Variants in CCDC63 observed in about 807,000 individuals in gnomAD.
CCDC63 encodes coiled-coil domain-containing protein 63.
In CCDC63, 54 loss-of-function variants were observed where a neutral mutation model predicts 63.6. The observed-to-expected ratio is 0.85, with a 90% CI of 0.68 to 1.07. CCDC63 has a LOEUF of 1.07. Ranked by LOEUF, CCDC63 falls within the 50% of genes least tolerant of loss-of-function variation. The pLI, the probability that CCDC63 is intolerant of heterozygous loss-of-function variation, is 0.00. For synonymous variants in CCDC63, 253 were observed against 266.1 expected, an observed-to-expected ratio of 0.95 and a Z score of 0.48; for missense variants, 637 against 689.6, an observed-to-expected ratio of 0.92 and a Z score of 0.86.
intron 4 of CCDC63, among the ~76,000 whole-genome samples, chr12:110,863,841 T>C (rs906363164): frequency 1.3e-4 from 20 of 152,204 alleles, no homozygotes; most frequent in African/African-American, 4.6e-4. Context: ...ATGTCCAACC[T>C]CCAGGGATGG....
chr12:110,884,022 T>C lies in CCDC63; in HGVS notation c.854-8T>C, dbSNP rs1332292716. 6.2e-7 allele frequency: 1 copy of C among 1,612,106 alleles called. No individual in the cohort carries two copies. Among genetic ancestry groups the C allele is most frequent in the African/African-American group, 1.3e-5 (1 of 74,966 alleles). On this transcript the variant is annotated splice_region_variant and splice_polypyrimidine_tract_variant and intron_variant, in intron 7 of 11. Transcript: ENST00000308208. ...GAGTGTCACAGTGGCTGATTTTTCC[T>C]TTCCTAGCTCTCAAGGCAAAGAAGC...
chr12:110,889,905 AT>A lies in CCDC63; in HGVS notation c.1075-3163del, dbSNP rs985262474. 3.4e-4 allele frequency among the ~76,000 whole-genome samples: 52 copies of A among 151,862 alleles called. 1 individual carries two copies. In the East Asian group the frequency reaches 9.5e-3, roughly 28 times the overall value. The stretch of plus-strand genomic sequence containing the variant: ...AATCATATATTTTTTTCCGATTAGA[AT>A]TTTTTTTCACAATTTGGAAAATACT... On this transcript the variant is annotated intron_variant, in intron 8 of 11. Transcript: ENST00000308208. This position sits in a 1 kb window ranked among gnomAD's most constrained non-coding sequence, Gnocchi z 4.1.
chr12:110,849,498 CTT>C (rs56059098), intron 1 of CCDC63, among the ~76,000 whole-genome samples: 9 of 126,266 alleles, frequency 7.1e-5, no homozygotes, highest in Non-Finnish European at 9.7e-5. Flanking sequence ...CTCTTATTTC[CTT>C]TTTTTTTTTT....
chr12:110,903,862 G>A (rs764717289), intron 10 of CCDC63, among the ~76,000 whole-genome samples: 2 of 152,162 alleles, frequency 1.3e-5, no homozygotes, highest in Non-Finnish European at 2.9e-5. Context: ...AGAGAACACT[G>A]GGGCAAGCCA....
rs369450203 is a variant in CCDC63 at position 110,881,296 on chromosome 12, G to A, written c.853G>A (p.Ala285Thr). 9.9e-6 allele frequency: 16 copies of A among 1,612,624 alleles called. No individual in the cohort carries two copies. Among genetic ancestry groups the A allele is most frequent in the Middle Eastern group, 1.7e-4 (1 of 6,014 alleles). Reference sequence around the variant, plus strand: ...CGAGGAGCAGGCCAAAAGGGAGGAAGGTACACCCTCCAGGAGCAAGCTTGT... The same window carrying A: ...CGAGGAGCAGGCCAAAAGGGAGGAAAGTACACCCTCCAGGAGCAAGCTTGT... Reference protein sequence around the residue: ...EFEEQAKREEALKAKKHVKKN... With the variant: ...EFEEQAKREETLKAKKHVKKN... Residue 285 changes from alanine to threonine, a missense_variant and splice_region_variant, in exon 7 of 12, where the codon GCT (alanine) becomes ACT (threonine). Physicochemically the swap from Ala to Thr is moderately conservative, Grantham distance 58. Transcript: ENST00000308208.
chr12:110,883,452 G>C (rs2071235247), intron 7 of CCDC63, among the ~76,000 whole-genome samples: 1 of 152,144 alleles, frequency 6.6e-6, no homozygotes. Flanking sequence ...TGCCCGGCCA[G>C]GGCAGGGATT....
rs117296409 is a variant in CCDC63, at chr12:110,898,186, G to A, written c.1150-747G>A. 6.8e-4 allele frequency among the ~76,000 whole-genome samples: 103 copies of A among 152,040 alleles called. 1 individual carries two copies. In the East Asian group the frequency reaches 0.017, roughly 26 times the overall value. ...AGTCCCAGCTACTCTGGAGGCTAACGTGGGAGGATAGCTTGAGTGCAGGAA... is the reference window on the plus strand; with the variant it reads ...AGTCCCAGCTACTCTGGAGGCTAACATGGGAGGATAGCTTGAGTGCAGGAA... On this transcript the variant is annotated intron_variant, in intron 9 of 11. Coordinates refer to ENST00000308208, the MANE Select transcript of CCDC63 (RefSeq NM_152591.3).
chr12:110,862,026 C>T (rs567091245), intron 4 of CCDC63, among the ~76,000 whole-genome samples: 12 of 152,130 alleles, frequency 7.9e-5, no homozygotes, highest in Admixed American at 3.3e-4. Context: ...TCTCAGAGGG[C>T]AGAGACCCTC....
chr12:110,858,682 C>T lies in CCDC63; in HGVS notation c.276C>T (p.Asn92=), dbSNP rs771366721. The T allele has an allele frequency of 2.5e-6, 4 of 1,613,996 alleles. No individual in the cohort carries two copies. The highest frequency in any genetic ancestry group is 3.4e-6 in the Non-Finnish European group (4 of 1,179,968). ...GGAACATGAATCGGAGTGAGAAGAA[C>T]TACATGGAGCTGCGACTCCTGCTCC... ...SSRNMNRSEK[N]YMELRLLLQT... is the part of the protein sequence containing the mutation. Residue 92 remains asparagine, a synonymous_variant, in exon 4 of 12, where the codon AAC becomes AAT. Coordinates refer to ENST00000308208, the MANE Select transcript of CCDC63 (RefSeq NM_152591.3).
intron 4 of CCDC63, among the ~76,000 whole-genome samples, chr12:110,871,077 C>T (rs2071059294): frequency 6.6e-6 from 1 of 152,160 alleles, no homozygotes; most frequent in Non-Finnish European, 1.5e-5. Context: ...TACCAAACTT[C>T]CAAGCAGGAA....
chr12:110,860,696 TCTC>T (rs1422520233), intron 4 of CCDC63, among the ~76,000 whole-genome samples: 2 of 152,026 alleles, frequency 1.3e-5, no homozygotes, highest in African/African-American at 4.8e-5. Context: ...CTCAACCAAT[TCTC>T]CTGCTTCAGT....
intron 9 of CCDC63, among the ~76,000 whole-genome samples, chr12:110,895,031 C>T (rs1423790379): frequency 6.6e-6 from 1 of 152,100 alleles, no homozygotes; most frequent in Non-Finnish European, 1.5e-5. Context: ...TCTCCTGCCT[C>T]CGCCCCCGAG....
rs548675154 is a variant in CCDC63 at position 110,906,059 on chromosome 12, A to AT, written c.1546+1268_1546+1269insT. On this transcript the variant is annotated intron_variant, in intron 11 of 11. Transcript: ENST00000308208. ...ATAATATAATATATAATATATATAT[A>AT]ATATATATACTTTTTTTTTGCCAGT... Among the ~76,000 whole-genome samples the AT allele has an allele frequency of 3.7e-3, 322 of 88,204 alleles. 4 individuals carry two copies. Among genetic ancestry groups the AT allele is most frequent in the African/African-American group, 0.014 (303 of 21,316 alleles). The allele number at this position is 88,204 out of a possible 152,430, so 57.9% of individuals were successfully genotyped here. A position where few individuals can be genotyped will look rare whatever the true frequency, so the allele number is the denominator to read the frequency against.
chr12:110,897,664 C>T (rs1404911372), intron 9 of CCDC63, among the ~76,000 whole-genome samples: 1 of 150,794 alleles, frequency 6.6e-6, no homozygotes, highest in Non-Finnish European at 1.5e-5. Flanking sequence ...GATAAATCTA[C>T]ATACACAACA....
chr12:110,888,845 CCTTCCT>C (rs778769103), intron 8 of CCDC63, among the ~76,000 whole-genome samples: 20,329 of 112,312 alleles, frequency 0.18, 2,059 homozygotes, highest in Non-Finnish European at 0.22. Flanking sequence ...TTCCTTCCTT[CCTTCCT>C]TCCTTCCTTC....
rs759469843 is a variant in CCDC63 at position 110,907,343 on chromosome 12, T to C, written c.1559T>C (p.Leu520Pro). Residue 520 changes from leucine to proline, a missense_variant, in exon 12 of 12, where the codon CTG becomes CCG. Physicochemically the swap from Leu to Pro is moderately conservative, Grantham distance 98. Coordinates refer to ENST00000308208, the MANE Select transcript of CCDC63 (RefSeq NM_152591.3). This position sits in a 1 kb window ranked among gnomAD's most constrained non-coding sequence, Gnocchi z 4.4. ...SDRLDDVEQP[L>P]DHSSLRQLVL... ...GATCTTGGTGCAGTGGAACAGCCCC[T>C]GGACCACAGCAGCCTTCGGCAGCTG... 6.2e-7 allele frequency: 1 copy of C among 1,613,806 alleles called. No homozygotes were observed. The highest frequency in any genetic ancestry group is 8.5e-7 in the Non-Finnish European group (1 of 1,179,964).
intron 8 of CCDC63, among the ~76,000 whole-genome samples, chr12:110,885,866 G>C (rs1408159291): frequency 1.3e-5 from 2 of 152,202 alleles, no homozygotes; most frequent in African/African-American, 4.8e-5. Flanking sequence ...TCATTTACTA[G>C]TGATGAATTA....
At chr12:110,855,050 C>T (rs949740060) in intron 3 of CCDC63, among the ~76,000 whole-genome samples, 2 of 151,864 alleles carry the variant, frequency 1.3e-5, no homozygotes, top group African/African-American at 2.4e-5. Flanking sequence ...CTAGGCCTCC[C>T]AAAGTTCTAG....
chr12:110,852,775 A>G, intron 1 of CCDC63, 84 bp from the exon 2 acceptor site: 1 of 812,712 alleles, frequency 1.2e-6, no homozygotes. Context: ...AAGGGATGGC[A>G]GGGGGAGGGA....
Sources: gnomAD v4.1 joint callset for allele counts (sites outside exome capture counted in the v4.1 genomes callset) on GRCh38, gnomAD v4.1.1 for gene constraint, Gnocchi (gnomAD v3.1) non-coding constraint, MANE v1.5 for transcripts, NCBI Gene and HGNC (gene_info 2026-07-23, HGNC 2026-07-21) for gene names.